Variants in TEX15 observed in about 807,000 individuals in gnomAD.
The protein encoded by TEX15 is testis-expressed protein 15.
TEX15 carries 171 observed loss-of-function variants against 237.3 expected under a neutral mutation model. The ratio of observed to expected loss-of-function variants is 0.72; its 90% CI spans 0.64 to 0.82. TEX15 has a LOEUF of 0.82. TEX15 is among the 40% of genes least tolerant of loss of function. TEX15 has a pLI of 0.00. For missense variants in TEX15, 3,750 were observed against 3,646.5 expected, an observed-to-expected ratio of 1.03 and a Z score of -0.73; for synonymous variants, 1,338 against 1,269.8, an observed-to-expected ratio of 1.05 and a Z score of -1.14.
chr8:30,887,388 GTTC>G (rs1808675592), intron 2 of TEX15, 77 bp from the exon 3 acceptor site: 4 of 1,228,734 alleles, frequency 3.3e-6, no homozygotes, highest in Admixed American at 3.7e-5. Flanking sequence ...TCATTTAAAA[GTTC>G]TTCAACAAAA....
At position 30,832,737 on chromosome 8, in the gene TEX15, A is replaced by AT. The variant is rs1181945599; in HGVS notation, c.*548dup. 6.6e-6 allele frequency: 1 copy of AT among 152,174 alleles called. No homozygotes were observed. The highest frequency in any genetic ancestry group is 2.4e-5 in the African/African-American group (1 of 41,454). The allele number at this position is 152,174 out of a possible 1,614,324, so 9.4% of individuals were successfully genotyped here. A position where few individuals can be genotyped will look rare whatever the true frequency, so the allele number is the denominator to read the frequency against. On this transcript the variant is annotated 3_prime_UTR_variant, in exon 11 of 11. Transcript: ENST00000643185. ...TTCATTGCCAATATAATTAACTACA[A>AT]TTGCTTCCAACATAAACATTTAAAA... is the stretch of plus-strand genomic sequence containing the variant.
intron 1 of TEX15, among the ~76,000 whole-genome samples, chr8:30,906,534 G>A (rs1338211589): frequency 4.0e-5 from 6 of 150,780 alleles, no homozygotes; most frequent in Non-Finnish European, 8.8e-5. Flanking sequence ...AGCTTGTGGT[G>A]AGCCGAGATT....
At chr8:30,893,383 A>G (rs1282491910) in intron 2 of TEX15, among the ~76,000 whole-genome samples, 1 of 152,224 alleles carries the variant, frequency 6.6e-6, no homozygotes, top group African/African-American at 2.4e-5. Flanking sequence ...AATTGTAATA[A>G]TTTAGCTTCA....
intron 6 of TEX15, among the ~76,000 whole-genome samples, chr8:30,859,362 C>T (rs181332198): frequency 6.4e-4 from 97 of 152,028 alleles, no homozygotes; most frequent in African/African-American, 2.2e-3. Flanking sequence ...CCTACTTTTG[C>T]AAAGTATAGA....
In TEX15 at chr8:30,843,212, A is replaced by G; in HGVS notation, c.6955T>C (p.Ser2319Pro). Residue 2319 changes from serine to proline, a missense_variant, in exon 8 of 11, where the codon TCT becomes CCT. Ser to Pro is a moderately conservative substitution (Grantham distance 74). Coordinates refer to ENST00000643185, the MANE Select transcript of TEX15 (RefSeq NM_001350162.2). ...ATTGGTTCATTGTTTAAATCTTTAG[A>G]CAAAGTATCATATATCTTCTGCAAC... ...SKLQKIYDTLSKDLNNEPISP... is the reference protein window; with the variant it reads ...SKLQKIYDTLPKDLNNEPISP... 6.2e-7 allele frequency: 1 copy of G among 1,613,516 alleles called. No homozygotes were observed. The highest frequency in any genetic ancestry group is 1.3e-5 in the African/African-American group (1 of 75,042).
At chr8:30,872,127 C>T (rs1808304363) in intron 4 of TEX15, among the ~76,000 whole-genome samples, 1 of 151,970 alleles carries the variant, frequency 6.6e-6, no homozygotes, top group South Asian at 2.1e-4. Flanking sequence ...TTCCCACCAT[C>T]CAAGGCCCTC....
rs189550940 is a variant in TEX15, at chr8:30,902,603, T to C, written c.-85-3786A>G. 5.3e-5 allele frequency among the ~76,000 whole-genome samples: 8 copies of C among 152,308 alleles called. No individual in the cohort carries two copies. The East Asian group carries it at 1.5e-3, about 29-fold the overall frequency. ...ATATCCACATGGGCAATAAAATATT[T>C]ATAGTGAAGTAACAGACCAGCAAAG... On this transcript the variant is annotated intron_variant, in intron 1 of 10. Transcript: ENST00000643185.
At chr8:30,862,672 A>G (rs1165637280) in intron 5 of TEX15, among the ~76,000 whole-genome samples, 1 of 152,342 alleles carries the variant, frequency 6.6e-6, no homozygotes, top group East Asian at 1.9e-4. Flanking sequence ...CTGTAGCTAT[A>G]CACACAATCC....
intron 5 of TEX15, among the ~76,000 whole-genome samples, chr8:30,860,319 C>T (rs900008095): frequency 1.3e-5 from 2 of 151,666 alleles, no homozygotes; most frequent in African/African-American, 4.8e-5. Context: ...CACCATGTTG[C>T]CCAAGCTGGT....
At chr8:30,866,223 T>C (rs1044557598) in intron 5 of TEX15, among the ~76,000 whole-genome samples, 1 of 151,444 alleles carries the variant, frequency 6.6e-6, no homozygotes, top group African/African-American at 2.4e-5. Context: ...CTTGCACCAC[T>C]GAACTCCAGC....
rs1807332853 is a variant in TEX15, at chr8:30,837,455, C to T, written c.8829G>A (p.Gln2943=). Residue 2943 remains glutamine, a synonymous_variant, in exon 10 of 11, where the codon CAG becomes CAA. Coordinates refer to ENST00000643185, the MANE Select transcript of TEX15 (RefSeq NM_001350162.2). ...CMTSPEPICI[Q]NKIPTLQINK... ...TTATCTGCAGAGTAGGAATTTTGTT[C>T]TGGATACAGATGGGTTCTGGAGAAG... 1 of 1,614,054 alleles carries T rather than the reference C, an allele frequency of 6.2e-7. No individual in the cohort carries two copies. Among genetic ancestry groups the T allele is most frequent in the Non-Finnish European group, 8.5e-7 (1 of 1,179,996 alleles).
chr8:30,883,709 T>C (rs1441359061), intron 3 of TEX15, among the ~76,000 whole-genome samples: 1 of 152,226 alleles, frequency 6.6e-6, no homozygotes, highest in African/African-American at 2.4e-5. Flanking sequence ...GCATATTCCA[T>C]GATGTATATA....
chr8:30,839,486 T>C (rs999449108), intron 9 of TEX15, among the ~76,000 whole-genome samples: 2 of 152,204 alleles, frequency 1.3e-5, no homozygotes, highest in Admixed American at 1.3e-4. Context: ...TTTTTGATTT[T>C]AGAAGTCTTT....
Position 30,844,714 on chromosome 8 carries a change from G to T in TEX15, c.5453C>A (p.Ser1818Tyr). The change falls in exon 8 of 11, where the codon TCT becomes TAT. Residue 1818 changes from serine (S) to tyrosine (Y), a missense_variant. By Grantham distance (144) the Ser-to-Tyr change is moderately radical. Coordinates refer to ENST00000643185, the MANE Select transcript of TEX15 (RefSeq NM_001350162.2). ...NIVELSSSDS[S>Y]LLLKDNVKGS... ...TTTTACATTATCTTTTAAAAGCAGA[G>T]AACTATCACTGGAAGATAATTCCAC... The T allele has an allele frequency of 6.2e-7, 1 of 1,613,096 alleles. No homozygotes were observed. The highest frequency in any genetic ancestry group is 8.5e-7 in the Non-Finnish European group (1 of 1,179,568).
chr8:30,901,461 G>A (rs1270209407), intron 1 of TEX15, among the ~76,000 whole-genome samples: 3 of 152,184 alleles, frequency 2.0e-5, no homozygotes, highest in Non-Finnish European at 2.9e-5. Context: ...TGCTAAGGAT[G>A]TGTTTCATAA....
intron 3 of TEX15, among the ~76,000 whole-genome samples, chr8:30,878,983 T>C (rs1227500476): frequency 6.6e-6 from 1 of 152,252 alleles, no homozygotes; most frequent in East Asian, 1.9e-4. Context: ...AACAAGTATA[T>C]AGTTACATCT....
intron 3 of TEX15, among the ~76,000 whole-genome samples, chr8:30,882,310 G>A (rs996341705): frequency 3.9e-5 from 6 of 151,912 alleles, no homozygotes; most frequent in African/African-American, 2.4e-5. Context: ...TTTATGAGAC[G>A]GAGTCTCGCT....
chr8:30,877,293 A>G (rs757921585), intron 3 of TEX15, among the ~76,000 whole-genome samples: 1 of 152,192 alleles, frequency 6.6e-6, no homozygotes, highest in African/African-American at 2.4e-5. Flanking sequence ...CTGACTGTTG[A>G]TTGTGAATTT....
chr8:30,847,097 G>A lies in TEX15; in HGVS notation c.3070C>T (p.His1024Tyr), dbSNP rs1169869222. ...ESPDFGLLVK[H>Y]RVSDCEIDTD... ...TCAATTTCACAATCAGAAACCCTAT[G>A]TTTTACTAACAAACCAAAATCTGGA... is the stretch of plus-strand genomic sequence containing the variant. Residue 1024 changes from histidine (H) to tyrosine (Y), a missense_variant, in exon 8 of 11, where the codon CAT becomes TAT. His to Tyr is a moderately conservative substitution (Grantham distance 83). Coordinates refer to ENST00000643185, the MANE Select transcript of TEX15 (RefSeq NM_001350162.2). 1.9e-6 allele frequency: 3 copies of A among 1,613,544 alleles called. No individual in the cohort carries two copies. The highest frequency in any genetic ancestry group is 3.3e-5 in the Admixed American group (2 of 59,978).
Sources: gnomAD v4.1 joint callset for allele counts (sites outside exome capture counted in the v4.1 genomes callset) on GRCh38, gnomAD v4.1.1 for gene constraint, MANE v1.5 for transcripts, NCBI Gene and HGNC (gene_info 2026-07-23, HGNC 2026-07-21) for gene names.